The following COPZ1 variants were observed in gnomAD, a reference collection of about 807,000 sequenced individuals.
COPZ1 encodes the protein coatomer subunit zeta-1.
COPZ1 carries 4 observed loss-of-function variants against 31.7 expected under a neutral mutation model. The ratio of observed to expected loss-of-function variants is 0.13; its 90% CI spans 0.06 to 0.29. The LOEUF (loss-of-function observed/expected upper bound fraction) is 0.29, where lower values mean the gene tolerates loss of function less well. Ranked by LOEUF, COPZ1 falls within the 10% of genes least tolerant of loss-of-function variation. The pLI, the probability that COPZ1 is intolerant of heterozygous loss-of-function variation, is 1.00. For synonymous variants in COPZ1, 74 were observed against 79.0 expected, an observed-to-expected ratio of 0.94 and a Z score of 0.33; for missense variants, 156 against 211.5, an observed-to-expected ratio of 0.74 and a Z score of 1.63.
At chr12:54,346,540 T>C (rs918179377) in intron 5 of COPZ1, 1 of 683,064 alleles carries the variant, frequency 1.5e-6, no homozygotes, top group Admixed American at 2.1e-5. Flanking sequence ...CCCAAAGTGC[T>C]GGGATTATAG....
At position 54,350,629 on chromosome 12, in the gene COPZ1, C is replaced by A; in HGVS notation, c.*106C>A. ...ATGCTCTCAGGGTCATCTCGGGGAT[C>A]ACAGGGATCCTTAAATCTCCATTCT... On this transcript the variant is annotated 3_prime_UTR_variant, in exon 9 of 9. Coordinates refer to ENST00000262061, the MANE Select transcript of COPZ1 (RefSeq NM_016057.3). 1 of 905,260 alleles carries A rather than the reference C, an allele frequency of 1.1e-6. No individual in the cohort carries two copies. Among genetic ancestry groups the A allele is most frequent in the Non-Finnish European group, 1.9e-6 (1 of 538,926 alleles). The allele number at this position is 905,260 out of a possible 1,614,324, so 56.1% of individuals were successfully genotyped here.
At position 54,345,463 on chromosome 12, in the gene COPZ1, A is replaced by G; in HGVS notation, c.265A>G (p.Met89Val). 1 of 1,612,952 alleles carries G rather than the reference A, an allele frequency of 6.2e-7. No individual in the cohort carries two copies. Among genetic ancestry groups the G allele is most frequent in the Non-Finnish European group, 8.5e-7 (1 of 1,179,046 alleles). The part of the protein sequence containing the change: ...VIGSSYENEL[M>V]LMAVLNCLFD... ...TGCCTCCTCTGTTTCCCAACAGCTG[A>G]TGCTTATGGCTGTTCTGAACTGTCT... The change falls in exon 5 of 9, where the codon ATG becomes GTG. Residue 89 changes from methionine to valine, a missense_variant. Transcript: ENST00000262061.
chr12:54,345,183 T>C (rs1346332650), intron 4 of COPZ1: 1 of 388,024 alleles, frequency 2.6e-6, no homozygotes, highest in Non-Finnish European at 4.8e-6. Flanking sequence ...AGGTAACACA[T>C]ATACAGTTGG....
Position 54,350,805 on chromosome 12 carries a change from C to T in COPZ1, c.*282C>T, listed in dbSNP as rs1429428126. 3 of 483,590 alleles carry T rather than the reference C, an allele frequency of 6.2e-6. No homozygotes were observed. The highest frequency in any genetic ancestry group is 5.8e-5 in the African/African-American group (3 of 52,052). The allele number at this position is 483,590 out of a possible 1,614,324, so 30.0% of individuals were successfully genotyped here. A position where few individuals can be genotyped will look rare whatever the true frequency, so the allele number is the denominator to read the frequency against. ...TAGACTGGATTATGCTCACATGCTCCCTTGCCCTGACATTTTTGTAAATTC... is the reference window on the plus strand; with the variant it reads ...TAGACTGGATTATGCTCACATGCTCTCTTGCCCTGACATTTTTGTAAATTC... On this transcript the variant is annotated 3_prime_UTR_variant, in exon 9 of 9. Coordinates refer to ENST00000262061, the MANE Select transcript of COPZ1 (RefSeq NM_016057.3).
At position 54,350,787 on chromosome 12, in the gene COPZ1, G is replaced by C; in HGVS notation, c.*264G>C. ...AAGCACCCTCTTTCTTTCTAGACTG[G>C]ATTATGCTCACATGCTCCCTTGCCC... On this transcript the variant is annotated 3_prime_UTR_variant, in exon 9 of 9. Coordinates refer to ENST00000262061, the MANE Select transcript of COPZ1 (RefSeq NM_016057.3). 1 of 542,598 alleles carries C rather than the reference G, an allele frequency of 1.8e-6. No homozygotes were observed. Among genetic ancestry groups the C allele is most frequent in the Non-Finnish European group, 3.3e-6 (1 of 300,362 alleles). The allele number at this position is 542,598 out of a possible 1,614,324, so 33.6% of individuals were successfully genotyped here. A position where few individuals can be genotyped will look rare whatever the true frequency, so the allele number is the denominator to read the frequency against.
At chr12:54,325,650 G>A (rs1002790575) in intron 1 of COPZ1, 19 of 161,378 alleles carry the variant, frequency 1.2e-4, no homozygotes, top group Non-Finnish European at 2.4e-4. Context: ...AAACTGTTTT[G>A]TCTTCGGTTT....
At chr12:54,335,448 G>T (rs1336626094) in intron 1 of COPZ1, among the ~76,000 whole-genome samples, 1 of 149,886 alleles carries the variant, frequency 6.7e-6, no homozygotes. Context: ...TTGCTCTGTC[G>T]CCCAGGCTGG....
chr12:54,343,497 A>C (rs1047763915), intron 4 of COPZ1, among the ~76,000 whole-genome samples, 181 bp downstream of exon 4: 7 of 152,242 alleles, frequency 4.6e-5, no homozygotes, highest in Non-Finnish European at 8.8e-5. Context: ...TCGCCTAGAA[A>C]GGAAGTTTTC....
At chr12:54,339,390 C>T (rs1565593292) in intron 1 of COPZ1, among the ~76,000 whole-genome samples, 1 of 152,120 alleles carries the variant, frequency 6.6e-6, no homozygotes. Flanking sequence ...CTCTGTCACC[C>T]AGCCTGGAGT....
At chr12:54,331,665 G>T (rs1953758108) in intron 1 of COPZ1, among the ~76,000 whole-genome samples, 2 of 152,130 alleles carry the variant, frequency 1.3e-5, no homozygotes, top group Non-Finnish European at 2.9e-5. Flanking sequence ...ATAACACAGA[G>T]TCTGTCAATT....
At chr12:54,344,405 C>G (rs1361417485) in intron 4 of COPZ1, among the ~76,000 whole-genome samples, 1 of 152,124 alleles carries the variant, frequency 6.6e-6, no homozygotes, top group Non-Finnish European at 1.5e-5. Flanking sequence ...CAGTGAAACC[C>G]CATGTCTACT....
intron 1 of COPZ1, among the ~76,000 whole-genome samples, chr12:54,327,655 G>GT (rs758407391): frequency 2.0e-5 from 3 of 151,158 alleles, no homozygotes; most frequent in African/African-American, 7.3e-5. Context: ...TCCCAGCACT[G>GT]TAAGAGGCTG....
chr12:54,345,501 G>A lies in COPZ1; in HGVS notation c.303G>A (p.Leu101=), dbSNP rs1954046249. ...TTCTGAACTGTCTCTTCGACTCATT[G>A]AGCCAGATGCTGAGGTGAGCAGGAC... ...MAVLNCLFDS[L]SQMLRKNVEK... Residue 101 remains leucine, a synonymous_variant, in exon 5 of 9, where the codon TTG becomes TTA. Transcript: ENST00000262061. 1 of 1,613,250 alleles carries A rather than the reference G, an allele frequency of 6.2e-7. No homozygotes were observed. Among genetic ancestry groups the A allele is most frequent in the South Asian group, 1.1e-5 (1 of 91,034 alleles).
chr12:54,334,575 T>C (rs938743314), intron 1 of COPZ1, among the ~76,000 whole-genome samples: 1 of 152,038 alleles, frequency 6.6e-6, no homozygotes, highest in Non-Finnish European at 1.5e-5. Context: ...TGGCACAGGC[T>C]GGGCACGGTG....
intron 2 of COPZ1, among the ~76,000 whole-genome samples, chr12:54,341,064 C>T (rs1309146448): frequency 6.6e-6 from 1 of 152,166 alleles, no homozygotes; most frequent in Non-Finnish European, 1.5e-5. Context: ...CTTAGTTGTA[C>T]TGCTGCCCTG....
intron 2 of COPZ1, among the ~76,000 whole-genome samples, 177 bp downstream of exon 2, chr12:54,340,792 C>T (rs1248135418): frequency 2.6e-5 from 4 of 151,770 alleles, no homozygotes; most frequent in Non-Finnish European, 4.4e-5. Flanking sequence ...AGTGCAATGG[C>T]GTGACCTTGG....
intron 4 of COPZ1, 62 bp downstream of exon 4, chr12:54,343,378 T>A: frequency 7.1e-7 from 1 of 1,399,308 alleles, no homozygotes; most frequent in Non-Finnish European, 1.0e-6. Context: ...AGGCAGTACA[T>A]AGCCACTGGT....
At chr12:54,345,641 T>G (rs1592209696) in intron 5 of COPZ1, 126 bp downstream of exon 5, 1 of 716,886 alleles carries the variant, frequency 1.4e-6, no homozygotes, top group East Asian at 2.7e-5. Context: ...TGGCAAAGGC[T>G]CCAGGGAGTT....
intron 5 of COPZ1, among the ~76,000 whole-genome samples, chr12:54,346,215 G>T (rs535897942): frequency 6.6e-6 from 1 of 151,714 alleles, no homozygotes; most frequent in Admixed American, 6.6e-5. Context: ...AAGTGTCCCA[G>T]ATGAAATGTC....
Sources: allele counts gnomAD v4.1 joint callset (sites outside exome capture counted in the v4.1 genomes callset), GRCh38; gene constraint gnomAD v4.1.1; transcripts MANE v1.5; gene names NCBI Gene and HGNC (gene_info 2026-07-23, HGNC 2026-07-21).